SLC44A5: variants seen among roughly 807,000 people sequenced by gnomAD.
The protein encoded by SLC44A5 is solute carrier family 44 member 5.
A neutral mutation model predicts 101.8 loss-of-function variants in SLC44A5; 57 were observed. That is an observed-to-expected ratio of 0.56 (90% confidence interval 0.45 to 0.70). The LOEUF (loss-of-function observed/expected upper bound fraction) is 0.70, where lower values mean the gene tolerates loss of function less well. Among genes scored for constraint, SLC44A5 ranks in the 30% least tolerant of loss-of-function variants. The pLI, the probability that SLC44A5 is intolerant of heterozygous loss-of-function variation, is 0.00. For missense variants in SLC44A5, 737 were observed against 853.1 expected (o/e 0.86, Z 1.70); for synonymous variants, 281 against 290.9 (o/e 0.97, Z 0.35).
chr1:75,224,371 C>A (rs879379573), intron 13 of SLC44A5, among the ~76,000 whole-genome samples: 1 of 152,140 alleles, frequency 6.6e-6, no homozygotes, highest in Non-Finnish European at 1.5e-5. Flanking sequence ...CCACTACTTA[C>A]TATAAAAAAA....
intron 2 of SLC44A5, among the ~76,000 whole-genome samples, chr1:75,537,302 A>G (rs1671108082): frequency 6.6e-6 from 1 of 152,110 alleles, no homozygotes; most frequent in African/African-American, 2.4e-5. Context: ...TTATGATGGA[A>G]GAGAAAGAGG....
chr1:75,290,996 T>A (rs1653495402), intron 5 of SLC44A5, among the ~76,000 whole-genome samples: 1 of 152,170 alleles, frequency 6.6e-6, no homozygotes, highest in Admixed American at 6.5e-5. Flanking sequence ...ACAAAGCATA[T>A]CCTTAAAACA....
the SLC44A5 span, among the ~76,000 whole-genome samples, chr1:75,680,902 A>T: frequency 6.6e-6 from 1 of 151,208 alleles, no homozygotes; most frequent in South Asian, 2.1e-4. Flanking sequence ...AGAATCAAAT[A>T]GACGCAATAA....
the SLC44A5 span, among the ~76,000 whole-genome samples, chr1:75,702,230 G>C: frequency 2.6e-5 from 4 of 152,136 alleles, no homozygotes; most frequent in African/African-American, 9.7e-5. Flanking sequence ...AACAAAGCTG[G>C]AGGCATCATG....
At chr1:75,383,555 G>A (rs12403384) in intron 3 of SLC44A5, among the ~76,000 whole-genome samples, 14,384 of 152,136 alleles carry the variant, frequency 0.095, 903 homozygotes, top group Admixed American at 0.2. Flanking sequence ...ATGGGACTAT[G>A]TGAAAAGACC....
rs905505589 is a variant in SLC44A5, at chr1:75,383,313, G to A, written c.52+13270C>T. ...ATACTAAGGGAACTCAGAGGCTGGC[G>A]GGATCCTCCATATGCTGAACGCTGG... On this transcript the variant is annotated intron_variant, in intron 3 of 23. Transcript: ENST00000370859. 6.9e-4 allele frequency among the ~76,000 whole-genome samples: 92 copies of A among 134,072 alleles called. 1 individual carries two copies. The highest frequency in any genetic ancestry group is 1.3e-3 in the Non-Finnish European group (84 of 63,450). The allele number at this position is 134,072 out of a possible 152,430, so 88.0% of individuals were successfully genotyped here.
chr1:75,325,746 G>A lies in SLC44A5; in HGVS notation c.101+13836C>T, dbSNP rs185606770. Among the ~76,000 whole-genome samples, 9 of 105,088 alleles carry A rather than the reference G, an allele frequency of 8.6e-5. No individual in the cohort carries two copies. In the South Asian group the frequency reaches 9.9e-4, roughly 12 times the overall value. The allele number at this position is 105,088 out of a possible 152,430, so 68.9% of individuals were successfully genotyped here. A position where few individuals can be genotyped will look rare whatever the true frequency, so the allele number is the denominator to read the frequency against. On this transcript the variant is annotated intron_variant, in intron 4 of 23. Transcript: ENST00000370859. ...ATGTTTCAAGCATCCACTGAGGGTC[G>A]TGTGCATGCATGCGTGTGTGTGTGT...
At chr1:75,632,946 T>G in the SLC44A5 span, among the ~76,000 whole-genome samples, 55,081 of 151,998 alleles carry the variant, frequency 0.36, 11,439 homozygotes, top group East Asian at 0.91. Flanking sequence ...TATTATTTGG[T>G]GGTGCTGGTA....
intron 3 of SLC44A5, 33 bp downstream of exon 3, chr1:75,396,550 T>G (rs776083269): frequency 6.5e-7 from 1 of 1,537,422 alleles, no homozygotes; most frequent in South Asian, 1.1e-5. Context: ...TCATGAAAGA[T>G]TCTTAGCACT....
intron 7 of SLC44A5, among the ~76,000 whole-genome samples, chr1:75,247,201 T>C (rs1339606819): frequency 6.6e-6 from 1 of 151,876 alleles, no homozygotes. Flanking sequence ...TGAGAAATAG[T>C]TTGGCTCAGG....
chr1:75,521,861 C>G (rs1557870669), intron 2 of SLC44A5: 1 of 153,518 alleles, frequency 6.5e-6, no homozygotes, highest in Non-Finnish European at 1.5e-5. Flanking sequence ...TCTGGAAGAA[C>G]TAGAAAAAAA....
chr1:75,605,496 A>G (rs1360925599), intron 1 of SLC44A5, among the ~76,000 whole-genome samples: 1 of 152,108 alleles, frequency 6.6e-6, no homozygotes, highest in Non-Finnish European at 1.5e-5. Flanking sequence ...AGTGATTTGT[A>G]GAGTCAGAGC....
At chr1:75,386,583 T>A (rs1473210795) in intron 3 of SLC44A5, among the ~76,000 whole-genome samples, 8 of 152,294 alleles carry the variant, frequency 5.3e-5, no homozygotes, top group African/African-American at 1.9e-4. Flanking sequence ...TGGAAGAACA[T>A]TCCATGCTCA....
At chr1:75,323,491 G>A (rs1296414859) in intron 4 of SLC44A5, among the ~76,000 whole-genome samples, 1 of 152,128 alleles carries the variant, frequency 6.6e-6, no homozygotes, top group Non-Finnish European at 1.5e-5. Context: ...GGTATTACCA[G>A]TTCTAGATCC....
At chr1:75,667,935 G>C in the SLC44A5 span, among the ~76,000 whole-genome samples, 1 of 152,170 alleles carries the variant, frequency 6.6e-6, no homozygotes, top group East Asian at 1.9e-4. Context: ...TTTTCACAAA[G>C]CAGAAGATAG....
chr1:75,503,566 T>C (rs1243749699), intron 2 of SLC44A5, among the ~76,000 whole-genome samples: 1 of 152,182 alleles, frequency 6.6e-6, no homozygotes, highest in Admixed American at 6.5e-5. Flanking sequence ...CAATTAAACC[T>C]CTTTTCTTTA....
intron 1 of SLC44A5, among the ~76,000 whole-genome samples, chr1:75,577,691 A>G (rs1673450598): frequency 6.6e-6 from 1 of 152,172 alleles, no homozygotes; most frequent in East Asian, 1.9e-4. Flanking sequence ...AATTTTAATT[A>G]TTTTGTGTCT....
chr1:75,250,037 A>G (rs1192239725), intron 7 of SLC44A5, among the ~76,000 whole-genome samples: 1 of 152,146 alleles, frequency 6.6e-6, no homozygotes, highest in Non-Finnish European at 1.5e-5. Context: ...GTACATGTGC[A>G]GGTTTGTTAC....
At position 75,329,740 on chromosome 1, in the gene SLC44A5, C is replaced by T. The variant is rs114063058; in HGVS notation, c.101+9842G>A. On this transcript the variant is annotated intron_variant, in intron 4 of 23. Transcript: ENST00000370859. The stretch of plus-strand genomic sequence containing the variant: ...CTGATATTTTACACATATGCCGAGG[C>T]CCCTTCACTTTTCAGCCATATGTTT... Among the ~76,000 whole-genome samples, 879 of 152,190 alleles carry T rather than the reference C, an allele frequency of 5.8e-3. 11 individuals carry two copies. Among genetic ancestry groups the T allele is most frequent in the African/African-American group, 0.02 (841 of 41,496 alleles).
Sources: allele counts gnomAD v4.1 joint callset (sites outside exome capture counted in the v4.1 genomes callset), GRCh38; gene constraint gnomAD v4.1.1; transcripts MANE v1.5; gene names NCBI Gene and HGNC (gene_info 2026-07-23, HGNC 2026-07-21).